PCNX2: variants seen among roughly 807,000 people sequenced by gnomAD.
PCNX2 encodes the protein pecanex 2, also known as pecanex-like protein 2.
PCNX2 carries 168 observed loss-of-function variants against 223.8 expected under a neutral mutation model. That is an observed-to-expected ratio of 0.75 (90% CI 0.66 to 0.85). The LOEUF is 0.85. PCNX2 is among the 40% of genes least tolerant of loss of function. The pLI is 0.00. For missense variants in PCNX2, 2,507 were observed against 2,675.5 expected (o/e 0.94, Z 1.39); for synonymous variants, 1,006 against 1,052.6 (o/e 0.96, Z 0.86).
rs568371332 is a variant in PCNX2, at chr1:233,012,503, A to G, written c.4952+2162T>C. Among the ~76,000 whole-genome samples the G allele has an allele frequency of 2.0e-4, 31 of 152,254 alleles. 1 individual carries two copies. The highest frequency in any genetic ancestry group is 1.5e-3 in the Admixed American group (23 of 15,294). ...GTGGTGGAACCTCTCGGTGAAGTGA[A>G]CCAGTCCCAAATAGTCAAGTGTTTC... On this transcript the variant is annotated intron_variant, in intron 28 of 33. Coordinates refer to ENST00000258229, the MANE Select transcript of PCNX2 (RefSeq NM_014801.4).
chr1:233,032,977 G>A, intron 25 of PCNX2: 1 of 984,754 alleles, frequency 1.0e-6, no homozygotes, highest in Non-Finnish European at 1.2e-6. Context: ...TAATTGCGTT[G>A]TCCAAATGTA....
In PCNX2 at chr1:233,199,376, G is replaced by C. The variant is rs78015458; in HGVS notation, c.2975-346C>G. ...AGATAGCAATTCAATAGAATAAATG[G>C]GAAGGAGAAGGAGGGAGAAGGCAGG... On this transcript the variant is annotated intron_variant, in intron 14 of 33. Transcript: ENST00000258229. Among the ~76,000 whole-genome samples, 986 of 152,206 alleles carry C rather than the reference G, an allele frequency of 6.5e-3. 9 individuals carry two copies. Among genetic ancestry groups the C allele is most frequent in the South Asian group, 0.022 (106 of 4,818 alleles).
chr1:233,160,172 G>A (rs987303200), intron 19 of PCNX2, 111 bp downstream of exon 19: 2 of 1,189,456 alleles, frequency 1.7e-6, no homozygotes, highest in Non-Finnish European at 1.2e-6. Flanking sequence ...CCATTTTCAA[G>A]TGTACAGTTC....
At chr1:233,042,725 G>T (rs1671685131) in intron 25 of PCNX2, among the ~76,000 whole-genome samples, 1 of 152,182 alleles carries the variant, frequency 6.6e-6, no homozygotes, top group African/African-American at 2.4e-5. Flanking sequence ...GTTCTGACAG[G>T]CCAAGTCCCT....
At chr1:233,129,956 C>T (rs1224826194) in intron 21 of PCNX2, among the ~76,000 whole-genome samples, 1 of 152,172 alleles carries the variant, frequency 6.6e-6, no homozygotes, top group Admixed American at 6.5e-5. Flanking sequence ...TTTTGCTGCT[C>T]ACTGTTCGGG....
rs529316869 is a variant in PCNX2 at position 233,021,642 on chromosome 1, G to A, written c.4605+3504C>T. On this transcript the variant is annotated intron_variant, in intron 26 of 33. Transcript: ENST00000258229. ...GCCCTGGCTCTGGCTTGTGAGAGGC[G>A]CCATGCTAGGTAGCACACCCATGCA... Among the ~76,000 whole-genome samples, 8 of 152,282 alleles carry A rather than the reference G, an allele frequency of 5.3e-5. 1 individual carries two copies. The highest frequency in any genetic ancestry group is 2.0e-4 in the Admixed American group (3 of 15,294).
chr1:233,244,080 T>G (rs1181103811), intron 8 of PCNX2, among the ~76,000 whole-genome samples: 1 of 152,142 alleles, frequency 6.6e-6, no homozygotes, highest in Non-Finnish European at 1.5e-5. Context: ...CCGCCCGCCA[T>G]GGCCTCCCAA....
intron 19 of PCNX2, among the ~76,000 whole-genome samples, chr1:233,149,639 T>C (rs1012534892): frequency 2.6e-5 from 4 of 152,166 alleles, no homozygotes; most frequent in Admixed American, 2.0e-4. Context: ...TCAGCTATCA[T>C]CAAGTTCTTA....
chr1:233,090,776 G>A (rs552688529), intron 22 of PCNX2, among the ~76,000 whole-genome samples: 1 of 152,302 alleles, frequency 6.6e-6, no homozygotes, highest in African/African-American at 2.4e-5. Context: ...TGCACATGAA[G>A]TAAGTGTTTT....
chr1:233,073,792 T>C (rs6688690), intron 23 of PCNX2, among the ~76,000 whole-genome samples: 1 of 149,590 alleles, frequency 6.7e-6, no homozygotes, highest in East Asian at 2.0e-4. Flanking sequence ...TAAAAAAAAT[T>C]TTTTGAAGAG....
At chr1:233,010,161 G>A (rs957714421) in intron 28 of PCNX2, among the ~76,000 whole-genome samples, 9 of 152,198 alleles carry the variant, frequency 5.9e-5, no homozygotes, top group African/African-American at 1.2e-4. Flanking sequence ...GCTGGCCCCC[G>A]TGGGGGCCTC....
chr1:233,027,043 C>A (rs1353802821), intron 25 of PCNX2, among the ~76,000 whole-genome samples: 3 of 152,038 alleles, frequency 2.0e-5, no homozygotes. Context: ...AGCATTCCGA[C>A]ATTTAAAGGT....
chr1:233,294,111 G>C, intron 1 of PCNX2: 3 of 574,438 alleles, frequency 5.2e-6, no homozygotes, highest in Non-Finnish European at 6.6e-6. Context: ...TGATATGAAT[G>C]CTAAGTTTTA....
intron 23 of PCNX2, among the ~76,000 whole-genome samples, chr1:233,061,951 G>T (rs1217218003): frequency 2.6e-5 from 4 of 151,988 alleles, no homozygotes; most frequent in Non-Finnish European, 5.9e-5. Flanking sequence ...TAGAGATGGG[G>T]TTTCACCATG....
chr1:233,124,658 G>C (rs1453242630), intron 21 of PCNX2, among the ~76,000 whole-genome samples: 1 of 152,162 alleles, frequency 6.6e-6, no homozygotes, highest in Non-Finnish European at 1.5e-5. Context: ...TTCCTGGTTG[G>C]GAATGCCTAA....
At chr1:233,322,964 T>G in the PCNX2 span, among the ~76,000 whole-genome samples, 23 of 152,292 alleles carry the variant, frequency 1.5e-4, no homozygotes, top group South Asian at 4.8e-3. Flanking sequence ...AATTACCTTT[T>G]CTCTAAAACA....
At chr1:233,131,766 TAA>T (rs1676518520) in intron 21 of PCNX2, among the ~76,000 whole-genome samples, 1 of 152,124 alleles carries the variant, frequency 6.6e-6, no homozygotes, top group Non-Finnish European at 1.5e-5. Context: ...TATCCCAGCC[TAA>T]GAGTGGATTA....
intron 25 of PCNX2, among the ~76,000 whole-genome samples, chr1:233,047,118 T>G (rs1049013291): frequency 2.6e-5 from 4 of 152,208 alleles, no homozygotes; most frequent in African/African-American, 7.2e-5. Flanking sequence ...CCTCCCAGCC[T>G]GGCTCATCTA....
chr1:233,248,785 C>T (rs1025782549), intron 8 of PCNX2, among the ~76,000 whole-genome samples: 2 of 152,172 alleles, frequency 1.3e-5, no homozygotes, highest in Admixed American at 1.3e-4. Context: ...CACCAAGCCA[C>T]ACGCCTCACA....
Sources: allele counts gnomAD v4.1 joint callset (sites outside exome capture counted in the v4.1 genomes callset), GRCh38; gene constraint gnomAD v4.1.1; transcripts MANE v1.5; gene names NCBI Gene and HGNC (gene_info 2026-07-23, HGNC 2026-07-21).